The following TMEM39B variants were observed in gnomAD, a reference collection of about 807,000 sequenced individuals.
TMEM39B encodes the protein transmembrane protein 39B.
Under a neutral mutation model 52.2 loss-of-function variants are expected in TMEM39B, and 23 were observed. The observed-to-expected ratio is 0.44, with a 90% confidence interval of 0.32 to 0.62. TMEM39B has a LOEUF of 0.62. TMEM39B is among the 20% of genes least tolerant of loss of function. The pLI, the probability that TMEM39B is intolerant of heterozygous loss-of-function variation, is 0.06. For missense variants in TMEM39B, 547 were observed against 642.0 expected, an observed-to-expected ratio of 0.85 and a Z score of 1.60; for synonymous variants, 285 against 264.0, an observed-to-expected ratio of 1.08 and a Z score of -0.77.
Position 32,100,744 on chromosome 1 carries a change from G to A in TMEM39B, c.1236+182G>A, listed in dbSNP as rs369878762. The A allele has an allele frequency of 2.0e-4, 155 of 788,156 alleles. No homozygotes were observed. In the Middle Eastern group the frequency reaches 2.6e-3, roughly 13 times the overall value. The allele number at this position is 788,156 out of a possible 1,614,324, so 48.8% of individuals were successfully genotyped here. ...AATTGTCACTTAATAACTGCAGCTC[G>A]GCCGGGCATGGTGGCTCACGCCTGT... On this transcript the variant is annotated intron_variant, in intron 8 of 8. Coordinates refer to ENST00000336294, the MANE Select transcript of TMEM39B (RefSeq NM_018056.4).
At chr1:32,076,933 C>T (rs1639887646) in intron 4 of TMEM39B, 87 bp downstream of exon 4, 2 of 1,486,412 alleles carry the variant, frequency 1.3e-6, no homozygotes, top group Non-Finnish European at 1.9e-6. Flanking sequence ...GCCCTTCAGC[C>T]TTAGGGTATT....
intron 5 of TMEM39B, among the ~76,000 whole-genome samples, chr1:32,086,245 C>T (rs866273540): frequency 6.6e-6 from 1 of 152,132 alleles, no homozygotes; most frequent in Non-Finnish European, 1.5e-5. Context: ...CCCACTTCAT[C>T]TTCTATCATA....
Position 32,094,898 on chromosome 1 carries a change from C to T in TMEM39B, c.1042C>T (p.His348Tyr). 1 of 1,614,070 alleles carries T rather than the reference C, an allele frequency of 6.2e-7. No homozygotes were observed. The highest frequency in any genetic ancestry group is 8.5e-7 in the Non-Finnish European group (1 of 1,180,054). The change falls in exon 7 of 9, where the codon CAC becomes TAC. Residue 348 changes from histidine to tyrosine, a missense_variant. Physicochemically the swap from His to Tyr is moderately conservative, Grantham distance 83 (BLOSUM62 2). Transcript: ENST00000336294. ...LLPASYCDLL[H>Y]KAAAHLGCWQ... ...GCCTGCCAGCTACTGTGACCTGCTG[C>T]ACAAGGCCGCCGCCCATCTGGGCTG...
At chr1:32,096,166 A>G (rs545274998) in intron 7 of TMEM39B, among the ~76,000 whole-genome samples, 1 of 151,988 alleles carries the variant, frequency 6.6e-6, no homozygotes, top group Non-Finnish European at 1.5e-5. Context: ...TTTGCATGTG[A>G]TGTGTCTTTT....
At chr1:32,086,382 G>T (rs1640351169) in intron 5 of TMEM39B, among the ~76,000 whole-genome samples, 1 of 152,074 alleles carries the variant, frequency 6.6e-6, no homozygotes, top group Non-Finnish European at 1.5e-5. Context: ...TAGCCCCCCT[G>T]GTTATTGAGC....
Position 32,077,173 on chromosome 1 carries a change from A to G in TMEM39B, c.445A>G (p.Arg149Gly), listed in dbSNP as rs776150850. 163 of 1,613,900 alleles carry G rather than the reference A, an allele frequency of 1.0e-4. No individual in the cohort carries two copies. The highest frequency in any genetic ancestry group is 1.4e-4 in the Non-Finnish European group (160 of 1,179,988). Residue 149 changes from arginine (R) to glycine (G), a missense_variant, in exon 5 of 9, where the codon AGG (arginine) becomes GGG (glycine). Physicochemically the swap from Arg to Gly is moderately radical, Grantham distance 125 (BLOSUM62 -2). Transcript: ENST00000336294. Reference protein sequence around the residue: ...IGSIVKEASQRGKVSLFRSIL... With the variant: ...IGSIVKEASQGGKVSLFRSIL... ...TCTTGCCCCGACCCAGGCCTCTCAG[A>G]GGGGGAAGGTCTCCCTCTTTCGCTC...
rs752317291 is a variant in TMEM39B at position 32,094,771 on chromosome 1, C to T, written c.928-13C>T. The T allele has an allele frequency of 1.9e-6, 3 of 1,613,818 alleles. No individual in the cohort carries two copies. The highest frequency in any genetic ancestry group is 2.5e-6 in the Non-Finnish European group (3 of 1,179,724). On this transcript the variant is annotated splice_polypyrimidine_tract_variant and intron_variant, in intron 6 of 8. Transcript: ENST00000336294. Reference sequence around the variant, plus strand: ...GGGGATCCCAGGCCTCACCCACCTTCTGCTACCCCCAGAACACACATTACT... The same window carrying T: ...GGGGATCCCAGGCCTCACCCACCTTTTGCTACCCCCAGAACACACATTACT...
Position 32,102,554 on chromosome 1 carries a change from C to A in TMEM39B, c.1360C>A (p.Leu454Ile). ...EKWHQTISLA[L>I]ILFSNYYAFF... ...GTGGCACCAGACCATCTCGCTGGCC[C>A]TCATCCTCTTCAGCAACTACTATGC... is the stretch of plus-strand genomic sequence containing the variant. Residue 454 changes from leucine to isoleucine, a missense_variant, in exon 9 of 9, where the codon CTC becomes ATC. By Grantham distance (5) the Leu-to-Ile change is conservative. Coordinates refer to ENST00000336294, the MANE Select transcript of TMEM39B (RefSeq NM_018056.4). 6.2e-7 allele frequency: 1 copy of A among 1,614,226 alleles called. No homozygotes were observed. Among genetic ancestry groups the A allele is most frequent in the Non-Finnish European group, 8.5e-7 (1 of 1,180,036 alleles).
upstream of TMEM39B, chr1:32,072,217 C>T (rs1337651414): frequency 6.6e-6 from 1 of 152,210 alleles, no homozygotes; most frequent in Non-Finnish European, 1.5e-5. Flanking sequence ...GCTTGTAGGT[C>T]TTGTGAGGGA....
intron 7 of TMEM39B, among the ~76,000 whole-genome samples, chr1:32,098,751 A>C (rs1421010823): frequency 6.6e-6 from 1 of 151,944 alleles, no homozygotes; most frequent in Non-Finnish European, 1.5e-5. Flanking sequence ...AAAAAAAAAG[A>C]AAGCTCACCG....
intron 5 of TMEM39B, among the ~76,000 whole-genome samples, chr1:32,088,043 G>T (rs569097212): frequency 2.1e-4 from 32 of 150,442 alleles, no homozygotes; most frequent in African/African-American, 7.8e-4. Flanking sequence ...GAAGAATGGC[G>T]TGAACCTGGG....
At chr1:32,081,217 TACA>T (rs1162083958) in intron 5 of TMEM39B, among the ~76,000 whole-genome samples, 2 of 151,860 alleles carry the variant, frequency 1.3e-5, no homozygotes, top group Non-Finnish European at 1.5e-5. Flanking sequence ...TTTGTTTGTT[TACA>T]GACAGAGTCT....
In TMEM39B at chr1:32,099,582, A is replaced by G. The variant is rs377519610; in HGVS notation, c.1116-860A>G. ...GAAGGATTAGGCTTTGGGAAGGGCA[A>G]TCCAATTGGAGGGAGCAGCTTAGGG... On this transcript the variant is annotated intron_variant, in intron 7 of 8. Coordinates refer to ENST00000336294, the MANE Select transcript of TMEM39B (RefSeq NM_018056.4). Among the ~76,000 whole-genome samples, 19 of 152,208 alleles carry G rather than the reference A, an allele frequency of 1.2e-4. No homozygotes were observed. In the East Asian group the frequency reaches 2.7e-3, roughly 22 times the overall value.
intron 5 of TMEM39B, among the ~76,000 whole-genome samples, chr1:32,085,512 G>A (rs12409772): frequency 0.064 from 9,698 of 152,176 alleles, 637 homozygotes; most frequent in East Asian, 0.34. Context: ...CTGCACTTTG[G>A]GAGGCCAAGG....
At chr1:32,085,852 T>C (rs1262128068) in intron 5 of TMEM39B, among the ~76,000 whole-genome samples, 1 of 152,102 alleles carries the variant, frequency 6.6e-6, no homozygotes, top group Non-Finnish European at 1.5e-5. Flanking sequence ...AGTTGGCTTG[T>C]TTGCTTGTCT....
At position 32,102,709 on chromosome 1, in the gene TMEM39B, C is replaced by A; in HGVS notation, c.*36C>A. The A allele has an allele frequency of 7.0e-7, 1 of 1,423,404 alleles. No individual in the cohort carries two copies. The highest frequency in any genetic ancestry group is 9.3e-7 in the Non-Finnish European group (1 of 1,080,394). 88.2% of individuals were successfully genotyped at this position (1,423,404 alleles called of 1,614,324 possible). A position where few individuals can be genotyped will look rare whatever the true frequency, so the allele number is the denominator to read the frequency against. On this transcript the variant is annotated 3_prime_UTR_variant, in exon 9 of 9. Transcript: ENST00000336294. ...CACCTCAGGGACAGCGTCCAGGCTT[C>A]AGCCAAGGGCTCCCTGGCAAGGGGC... is the stretch of plus-strand genomic sequence containing the variant.
At chr1:32,073,529 G>A in intron 1 of TMEM39B, 1 of 998,090 alleles carries the variant, frequency 1.0e-6, no homozygotes, top group Non-Finnish European at 1.2e-6. Flanking sequence ...TTTCTGGGCT[G>A]ACAGTTGTGT....
rs528192797 is a variant in TMEM39B at position 32,094,047 on chromosome 1, T to C, written c.928-737T>C. 5.4e-5 allele frequency among the ~76,000 whole-genome samples: 8 copies of C among 147,102 alleles called. No homozygotes were observed. The South Asian group carries it at 1.7e-3, about 31-fold the overall frequency. On this transcript the variant is annotated intron_variant, in intron 6 of 8. Coordinates refer to ENST00000336294, the MANE Select transcript of TMEM39B (RefSeq NM_018056.4). ...GTTAGCCAGGATGGCCTCGATCTCC[T>C]GACCTTGTGATCCACCCACCTTGGC...
Position 32,100,524 on chromosome 1 carries a change from G to A in TMEM39B, c.1198G>A (p.Val400Met). ...CTACAAAGCCGTAGGCCACTACAAC[G>A]TGGCTATCCCCTCTGACGTCTCCCA... Reference protein sequence around the residue: ...NVYKAVGHYNVAIPSDVSHFR... With the variant: ...NVYKAVGHYNMAIPSDVSHFR... Residue 400 changes from valine (V) to methionine (M), a missense_variant, in exon 8 of 9, where the codon GTG (valine) becomes ATG (methionine). Val to Met is a conservative substitution (Grantham distance 21). Transcript: ENST00000336294. 3 of 1,614,168 alleles carry A rather than the reference G, an allele frequency of 1.9e-6. No homozygotes were observed. The highest frequency in any genetic ancestry group is 2.5e-6 in the Non-Finnish European group (3 of 1,180,000).
Sources: allele counts gnomAD v4.1 joint callset (sites outside exome capture counted in the v4.1 genomes callset), GRCh38; gene constraint gnomAD v4.1.1; transcripts MANE v1.5; gene names NCBI Gene and HGNC (gene_info 2026-07-23, HGNC 2026-07-21).